The following ILDR1 variants were observed in gnomAD, a reference collection of about 807,000 sequenced individuals.
ILDR1 encodes the protein immunoglobulin like domain containing receptor 1.
A neutral mutation model predicts 62.4 loss-of-function variants in ILDR1; 56 were observed. The observed-to-expected ratio is 0.90, with a 90% CI of 0.72 to 1.12. The LOEUF is 1.12. ILDR1 is among the 50% of genes most tolerant of loss of function. ILDR1 has a pLI of 0.00. For synonymous variants in ILDR1, 284 were observed against 277.8 expected, an observed-to-expected ratio of 1.02 and a Z score of -0.22; for missense variants, 736 against 710.6, an observed-to-expected ratio of 1.04 and a Z score of -0.41.
the ILDR1 span, among the ~76,000 whole-genome samples, chr3:122,050,687 T>C: frequency 5.9e-5 from 9 of 152,078 alleles, no homozygotes. Flanking sequence ...CACAATACTG[T>C]TACACTATTA....
chr3:122,037,193 G>A, the ILDR1 span, among the ~76,000 whole-genome samples: 2 of 152,316 alleles, frequency 1.3e-5, no homozygotes, highest in Admixed American at 6.5e-5. Flanking sequence ...CCCCACTAGG[G>A]CACTGCCTCA....
intron 2 of ILDR1, among the ~76,000 whole-genome samples, chr3:122,006,766 C>T (rs1198766740): frequency 6.6e-6 from 1 of 152,080 alleles, no homozygotes; most frequent in African/African-American, 2.4e-5. Flanking sequence ...GAGAACAAAG[C>T]AGGAAAAAAT....
the ILDR1 span, among the ~76,000 whole-genome samples, chr3:122,037,923 T>G: frequency 6.7e-6 from 1 of 148,848 alleles, no homozygotes; most frequent in Non-Finnish European, 1.5e-5. Context: ...TGGTACTTCC[T>G]CTCTCTCTCT....
At chr3:122,055,009 T>A in the ILDR1 span, among the ~76,000 whole-genome samples, 5 of 152,078 alleles carry the variant, frequency 3.3e-5, no homozygotes, top group African/African-American at 1.2e-4. Flanking sequence ...GTTAGGTGGC[T>A]ACTCACTCCC....
At chr3:122,052,592 G>A in the ILDR1 span, among the ~76,000 whole-genome samples, 2 of 152,144 alleles carry the variant, frequency 1.3e-5, no homozygotes, top group Non-Finnish European at 2.9e-5. Flanking sequence ...TTGTTGTTTT[G>A]AGACGGAGCG....
At chr3:122,048,025 GTTCCT>G in the ILDR1 span, among the ~76,000 whole-genome samples, 1 of 152,320 alleles carries the variant, frequency 6.6e-6, no homozygotes, top group East Asian at 1.9e-4. Flanking sequence ...GACTTACCTT[GTTCCT>G]CATCAAGGAA....
At position 121,989,114 on chromosome 3, in the gene ILDR1, G is replaced by A. The variant is rs1576710208; in HGVS notation, c.1600-706C>T. ...CTCATCTTATTTGAAATAAGAAAAC[G>A]AAGTATCTGTCCTAAAATATACTGC... On this transcript the variant is annotated intron_variant, in intron 7 of 7. Coordinates refer to ENST00000344209, the MANE Select transcript of ILDR1 (RefSeq NM_001199799.2). Among the ~76,000 whole-genome samples, 3 of 152,080 alleles carry A rather than the reference G, an allele frequency of 2.0e-5. No individual in the cohort carries two copies. In the South Asian group the frequency reaches 6.2e-4, roughly 32 times the overall value.
the ILDR1 span, among the ~76,000 whole-genome samples, chr3:122,060,374 G>T: frequency 6.6e-6 from 1 of 152,174 alleles, no homozygotes; most frequent in South Asian, 2.1e-4. Flanking sequence ...GTCTCCTGCA[G>T]AAAGTCTGGT....
chr3:122,009,007 C>T (rs1036218099), intron 1 of ILDR1, among the ~76,000 whole-genome samples: 1 of 151,716 alleles, frequency 6.6e-6, no homozygotes, highest in Non-Finnish European at 1.5e-5. Context: ...AATCATGGCT[C>T]ACTGCAACGT....
the ILDR1 span, among the ~76,000 whole-genome samples, chr3:122,047,576 C>T: frequency 3.9e-5 from 6 of 152,180 alleles, no homozygotes; most frequent in East Asian, 3.8e-4. Flanking sequence ...ATTCCGTGGG[C>T]GTAGGACCCT....
chr3:122,035,480 C>A, the ILDR1 span, among the ~76,000 whole-genome samples: 3 of 152,096 alleles, frequency 2.0e-5, no homozygotes, highest in Non-Finnish European at 2.9e-5. Context: ...GGATTTGTGT[C>A]CCTGCTCAAA....
At chr3:122,033,489 ATTTAT>A in the ILDR1 span, among the ~76,000 whole-genome samples, 1 of 151,780 alleles carries the variant, frequency 6.6e-6, no homozygotes, top group Admixed American at 6.6e-5. Flanking sequence ...TATTTTTATT[ATTTAT>A]TTTAATAAAG....
upstream of ILDR1, among the ~76,000 whole-genome samples, chr3:122,024,021 C>A (rs1448048057): frequency 6.6e-6 from 1 of 151,996 alleles, no homozygotes; most frequent in African/African-American, 2.4e-5. Context: ...TACCTCCCCC[C>A]CATACCCCTC....
rs2071267358 is a variant in ILDR1 at position 121,987,440 on chromosome 3, A to G, written c.*927T>C. 1 of 152,148 alleles carries G rather than the reference A, an allele frequency of 6.6e-6. No individual in the cohort carries two copies. The highest frequency in any genetic ancestry group is 2.4e-5 in the African/African-American group (1 of 41,422). The allele number at this position is 152,148 out of a possible 1,614,324, so 9.4% of individuals were successfully genotyped here. A position where few individuals can be genotyped will look rare whatever the true frequency, so the allele number is the denominator to read the frequency against. On this transcript the variant is annotated 3_prime_UTR_variant, in exon 8 of 8. Coordinates refer to ENST00000344209, the MANE Select transcript of ILDR1 (RefSeq NM_001199799.2). Reference sequence around the variant, plus strand: ...TTAAAGTGACTTCAATCAATACACAATATATATGAAAATATAAATTAGATA... The same window carrying G: ...TTAAAGTGACTTCAATCAATACACAGTATATATGAAAATATAAATTAGATA...
the ILDR1 span, among the ~76,000 whole-genome samples, chr3:122,035,150 C>T: frequency 1.3e-5 from 2 of 152,194 alleles, no homozygotes; most frequent in African/African-American, 4.8e-5. Context: ...ACTCTATCTT[C>T]CCTATGGAAC....
intron 1 of ILDR1, among the ~76,000 whole-genome samples, chr3:122,018,393 G>GA (rs2071806928): frequency 7.3e-6 from 1 of 136,742 alleles, no homozygotes; most frequent in South Asian, 2.7e-4. Context: ...GCCTGTTGGG[G>GA]TGGGGGGGGG....
At chr3:122,028,273 T>C in the ILDR1 span, among the ~76,000 whole-genome samples, 245 of 147,854 alleles carry the variant, frequency 1.7e-3, 2 homozygotes, top group Admixed American at 5.6e-3. Context: ...GAGGTGGAGC[T>C]TGCAGTGAGC....
chr3:122,032,470 A>C, the ILDR1 span, among the ~76,000 whole-genome samples: 1 of 152,128 alleles, frequency 6.6e-6, no homozygotes, highest in Non-Finnish European at 1.5e-5. Context: ...CCATCCATCC[A>C]TTTTTGCTTC....
At chr3:122,046,134 CG>C in the ILDR1 span, among the ~76,000 whole-genome samples, 2 of 151,492 alleles carry the variant, frequency 1.3e-5, no homozygotes, top group Admixed American at 6.6e-5. Context: ...AATCTCTCAG[CG>C]TTTGCTTGTC....
Sources: gnomAD v4.1 joint callset for allele counts (sites outside exome capture counted in the v4.1 genomes callset) on GRCh38, gnomAD v4.1.1 for gene constraint, MANE v1.5 for transcripts, NCBI Gene and HGNC (gene_info 2026-07-23, HGNC 2026-07-21) for gene names.